Variants in KCNA6 observed in about 807,000 individuals in gnomAD.
The protein encoded by KCNA6 is potassium voltage-gated channel subfamily A member 6.
Under a neutral mutation model 29.5 loss-of-function variants are expected in KCNA6, and 17 were observed. That is an observed-to-expected ratio of 0.58 (90% CI 0.39 to 0.86). KCNA6 has a LOEUF of 0.86. KCNA6 is among the 40% of genes least tolerant of loss of function. The probability of loss-of-function intolerance (pLI) is 0.00; values close to 1 mark genes in which losing one functional copy is unlikely to be tolerated. For synonymous variants in KCNA6, 296 were observed against 304.7 expected, an observed-to-expected ratio of 0.97 and a Z score of 0.30; for missense variants, 450 against 703.4, an observed-to-expected ratio of 0.64 and a Z score of 4.07.
chr12:4,827,467 A>G, the KCNA6 span, among the ~76,000 whole-genome samples: 2 of 152,194 alleles, frequency 1.3e-5, no homozygotes, highest in African/African-American at 4.8e-5. Context: ...GAAGCAGGGG[A>G]GTGCAGCCCA....
the KCNA6 span, among the ~76,000 whole-genome samples, chr12:4,821,834 C>T: frequency 6.6e-6 from 1 of 152,226 alleles, no homozygotes; most frequent in Non-Finnish European, 1.5e-5. Context: ...GCTGGGCCGT[C>T]TGTCATTTTT....
At position 4,811,025 on chromosome 12, in the gene KCNA6, C is replaced by T. The variant is rs200079703; in HGVS notation, c.984C>T (p.Gly328=). The T allele has an allele frequency of 2.7e-5, 43 of 1,614,116 alleles. No homozygotes were observed. Among genetic ancestry groups the T allele is most frequent in the Admixed American group, 8.3e-5 (5 of 60,012 alleles). ...AGCAGCAACCAGCCAGTGGAGGAGG[C>T]GGCCAGAATGGGCAGCAGGCCATGT... The change falls in exon 1 of 1, where the codon GGC becomes GGT. Residue 328 remains glycine, a synonymous_variant. Coordinates refer to ENST00000280684, the Ensembl canonical transcript of KCNA6. The surrounding 1 kb of genome is among the most constrained non-coding windows in gnomAD (Gnocchi z 7.1).
chr12:4,847,039 CT>C, the KCNA6 span, among the ~76,000 whole-genome samples: 2 of 151,850 alleles, frequency 1.3e-5, no homozygotes, highest in Non-Finnish European at 2.9e-5. Context: ...CTGCCTTGGC[CT>C]CTTAAAGTGC....
chr12:4,834,388 T>G, the KCNA6 span, among the ~76,000 whole-genome samples: 1 of 152,300 alleles, frequency 6.6e-6, no homozygotes, highest in African/African-American at 2.4e-5. Context: ...ACTTATTTTT[T>G]TAAATAGACA....
At chr12:4,816,248 TGG>T (rs1946680264), downstream of KCNA6, among the ~76,000 whole-genome samples, 1 of 117,314 alleles carries the variant, frequency 8.5e-6, no homozygotes, top group Admixed American at 9.3e-5. Flanking sequence ...TACCACGAAC[TGG>T]TGTGTGTGTG....
the KCNA6 span, among the ~76,000 whole-genome samples, chr12:4,823,249 A>G: frequency 1.3e-5 from 2 of 152,058 alleles, no homozygotes. Context: ...ACTACACAAT[A>G]TAGTTAAAAG....
the KCNA6 span, among the ~76,000 whole-genome samples, chr12:4,845,476 C>A: frequency 6.6e-6 from 1 of 152,140 alleles, no homozygotes; most frequent in East Asian, 1.9e-4. Context: ...TCTGGATGCT[C>A]CGCAGTCACG....
chr12:4,845,202 C>T, the KCNA6 span, among the ~76,000 whole-genome samples: 1 of 152,168 alleles, frequency 6.6e-6, no homozygotes, highest in African/African-American at 2.4e-5. Context: ...CTGGATGGGA[C>T]AAACCCTTCA....
At chr12:4,822,189 T>C in the KCNA6 span, among the ~76,000 whole-genome samples, 2 of 152,142 alleles carry the variant, frequency 1.3e-5, no homozygotes, top group Admixed American at 6.5e-5. Flanking sequence ...GTGGGAGATA[T>C]TTCTCTCTAT....
At chr12:4,816,973 G>T (rs1946688474), downstream of KCNA6, among the ~76,000 whole-genome samples, 1 of 152,138 alleles carries the variant, frequency 6.6e-6, no homozygotes, top group African/African-American at 2.4e-5. Context: ...CTCTCCGCTG[G>T]CTGAGCCCTT....
At chr12:4,816,210 G>A (rs1387658636), downstream of KCNA6, among the ~76,000 whole-genome samples, 1 of 151,350 alleles carries the variant, frequency 6.6e-6, no homozygotes, top group Non-Finnish European at 1.5e-5. Flanking sequence ...GAGCTTATAT[G>A]CAGTCGATCG....
the KCNA6 span, among the ~76,000 whole-genome samples, chr12:4,840,708 A>T: frequency 6.6e-6 from 1 of 152,340 alleles, no homozygotes; most frequent in East Asian, 1.9e-4. Context: ...AGCAAGAAGG[A>T]TGGTTCAGAT....
Position 4,810,235 on chromosome 12 carries a change from C to T in KCNA6, c.194C>T (p.Thr65Met). 6.2e-7 allele frequency: 1 copy of T among 1,613,934 alleles called. No individual in the cohort carries two copies. The highest frequency in any genetic ancestry group is 2.2e-5 in the East Asian group (1 of 44,874). The change falls in exon 1 of 1, where the codon ACG becomes ATG. Residue 65 changes from threonine to methionine, a missense_variant. Thr to Met is a moderately conservative substitution (Grantham distance 81, BLOSUM62 -1). Around this residue, in one of 7 missense-constraint regions of KCNA6, gnomAD observed 133 missense variants for 217.5 expected, o/e 0.61. Transcript: ENST00000280684. The surrounding 1 kb of genome is among the most constrained non-coding windows in gnomAD (Gnocchi z 7.5). ...CGCACCCTGTCGCTGTTTCCGGACA[C>T]GCTGCTCGGAGACCCTGGCCGGCGA... is the stretch of plus-strand genomic sequence containing the variant.
At chr12:4,831,997 C>A in the KCNA6 span, among the ~76,000 whole-genome samples, 3 of 152,306 alleles carry the variant, frequency 2.0e-5, no homozygotes, top group Non-Finnish European at 4.4e-5. Flanking sequence ...AGCAAATACT[C>A]ATTGCTAAAT....
chr12:4,820,801 C>A, the KCNA6 span, among the ~76,000 whole-genome samples: 2 of 152,102 alleles, frequency 1.3e-5, no homozygotes, highest in African/African-American at 4.8e-5. Context: ...CTAGTGCAGA[C>A]CAAAGGTATT....
chr12:4,821,418 A>ATGTGTGTGTGTGTG, the KCNA6 span, among the ~76,000 whole-genome samples: 1 of 143,420 alleles, frequency 7.0e-6, no homozygotes, highest in African/African-American at 2.6e-5. Context: ...ACTCACTTGG[A>ATGTGTGTGTGTGTG]TGTGTGTGTG....
the KCNA6 span, among the ~76,000 whole-genome samples, chr12:4,848,534 T>A: frequency 2.7e-5 from 4 of 147,550 alleles, no homozygotes; most frequent in East Asian, 7.8e-4. Context: ...AAAATCCAAC[T>A]TTAAAAAAAT....
Position 4,810,432 on chromosome 12 carries a change from C to T in KCNA6, c.391C>T (p.Leu131=), listed in dbSNP as rs772449832. 1 of 1,614,012 alleles carries T rather than the reference C, an allele frequency of 6.2e-7. No individual in the cohort carries two copies. ...CTTCTACCAGCTGGGGGACGAGGCC[C>T]TGGCGGCCTTCCGGGAGGACGAGGG... The change falls in exon 1 of 1, where the codon CTG becomes TTG. Residue 131 remains leucine, a synonymous_variant. Transcript: ENST00000280684. This position sits in a 1 kb window ranked among gnomAD's most constrained non-coding sequence, Gnocchi z 7.5.
chr12:4,849,825 C>T, the KCNA6 span, among the ~76,000 whole-genome samples: 1 of 152,210 alleles, frequency 6.6e-6, no homozygotes, highest in African/African-American at 2.4e-5. Context: ...TTTTCCAAAG[C>T]AGTTTCACAA....
Sources: allele counts gnomAD v4.1 joint callset (sites outside exome capture counted in the v4.1 genomes callset), GRCh38; gene constraint gnomAD v4.1.1; regional missense constraint gnomAD v4.1.1; non-coding constraint Gnocchi (gnomAD v3.1); transcripts MANE v1.5; gene names NCBI Gene and HGNC (gene_info 2026-07-23, HGNC 2026-07-21).